The following KIFC3 variants were observed in gnomAD, a reference collection of about 807,000 sequenced individuals.
The protein encoded by KIFC3 is kinesin family member C3, also known as kinesin-like protein KIFC3.
KIFC3 carries 60 observed loss-of-function variants against 101.8 expected under a neutral mutation model. The ratio of observed to expected loss-of-function variants is 0.59; its 90% confidence interval spans 0.48 to 0.73. The LOEUF (loss-of-function observed/expected upper bound fraction) is 0.73. Among genes scored for constraint, KIFC3 ranks in the 30% least tolerant of loss-of-function variants. The pLI, the probability that KIFC3 is intolerant of heterozygous loss-of-function variation, is 0.00. For synonymous variants in KIFC3, 476 were observed against 482.7 expected, an observed-to-expected ratio of 0.99 and a Z score of 0.18; for missense variants, 966 against 1,137.1, an observed-to-expected ratio of 0.85 and a Z score of 2.16.
In KIFC3 at chr16:57,761,397, G is replaced by A; in HGVS notation, c.1872+16C>T. The stretch of plus-strand genomic sequence containing the variant: ...TAGAGCAGTGTGGCTGTGGTCAGGG[G>A]CTCCCGCCTCCACACCTTGTTGATG... On this transcript the variant is annotated intron_variant, in intron 14 of 19. Coordinates refer to ENST00000445690, the MANE Select transcript of KIFC3 (RefSeq NM_001130100.2). The A allele has an allele frequency of 6.2e-7, 1 of 1,613,826 alleles. No homozygotes were observed.
At position 57,816,856 on chromosome 16, in the gene KIFC3, G is replaced by T. The variant is rs1257836581; in HGVS notation, c.109-18574C>A. ...ACTTGAGGCCAGGGAGGTTGGAGGG[G>T]TCTCCCTGTGACCAAATCTGTGGCC... On this transcript the variant is annotated intron_variant, in intron 1 of 2. Coordinates refer to the KIFC3 transcript ENST00000563028. 4.7e-5 allele frequency: 20 copies of T among 422,134 alleles called. No homozygotes were observed. In the East Asian group the frequency reaches 1.4e-3, roughly 30 times the overall value. The allele number at this position is 422,134 out of a possible 1,614,324, so 26.1% of individuals were successfully genotyped here.
intron 3 of KIFC3, chr16:57,788,462 G>A: frequency 5.0e-6 from 5 of 1,000,036 alleles, no homozygotes; most frequent in Non-Finnish European, 6.5e-6. Context: ...GTCTGTCTAG[G>A]CCACCTCCAG....
chr16:57,852,948 T>C (rs1263007887), intron 1 of KIFC3, among the ~76,000 whole-genome samples: 1 of 127,838 alleles, frequency 7.8e-6, no homozygotes, highest in African/African-American at 2.8e-5. Flanking sequence ...GACATAGAAA[T>C]TTTTTTGTAC....
Position 57,816,325 on chromosome 16 carries a change from G to A in KIFC3, c.109-18043C>T, listed in dbSNP as rs782357812. ...GAAGTGCGGTGGGATCTGTCTTCCC[G>A]TGTGTCTTCAGGATCCTGGGGCCTG... is the stretch of plus-strand genomic sequence containing the variant. On this transcript the variant is annotated intron_variant, in intron 1 of 2. Coordinates refer to the KIFC3 transcript ENST00000563028. The A allele has an allele frequency of 4.3e-5, 50 of 1,153,636 alleles. 1 individual carries two copies. The highest frequency in any genetic ancestry group is 1.4e-4 in the South Asian group (11 of 78,278). 71.5% of individuals were successfully genotyped at this position (1,153,636 alleles called of 1,614,324 possible).
chr16:57,768,302 C>G (rs997746022), intron 9 of KIFC3, among the ~76,000 whole-genome samples: 1 of 152,016 alleles, frequency 6.6e-6, no homozygotes, highest in African/African-American at 2.4e-5. Flanking sequence ...GCTGAGATCC[C>G]GCCATTGCAC....
At chr16:57,813,355 T>C (rs1555628118) in intron 1 of KIFC3, among the ~76,000 whole-genome samples, 1 of 150,898 alleles carries the variant, frequency 6.6e-6, no homozygotes, top group East Asian at 1.9e-4. Flanking sequence ...AATACAAAAA[T>C]AAATAAATAA....
rs1555603489 is a variant in KIFC3 at position 57,766,929 on chromosome 16, G to A, written c.1275C>T (p.Tyr425=). Residue 425 remains tyrosine, a synonymous_variant, in exon 10 of 20, where the codon TAC becomes TAT. Transcript: ENST00000445690. ...NSNNQELLRK[Y]RRELQLRKKC... is the part of the protein sequence containing the mutation. ...TCTTACGCAGCTGCAGCTCGCGGCG[G>A]TACTTGCGCAGCAGCTCCTGGTTGT... 3.1e-6 allele frequency: 5 copies of A among 1,612,948 alleles called. No homozygotes were observed. Among genetic ancestry groups the A allele is most frequent in the Non-Finnish European group, 3.4e-6 (4 of 1,179,966 alleles).
chr16:57,765,770 G>A (rs1257149663), intron 10 of KIFC3, 130 bp from the exon 11 acceptor site: 4 of 755,958 alleles, frequency 5.3e-6, no homozygotes, highest in Non-Finnish European at 8.5e-6. Context: ...CCCCCTAGGG[G>A]AAGGGGGCCC....
chr16:57,767,848 T>C (rs568107616), intron 9 of KIFC3, among the ~76,000 whole-genome samples: 2 of 152,178 alleles, frequency 1.3e-5, no homozygotes, highest in Non-Finnish European at 2.9e-5. Flanking sequence ...AGTTTTTTTA[T>C]ATTTTTTTGT....
rs1242411153 is a variant in KIFC3, at chr16:57,764,127, A to G, written c.1617+16T>C. The G allele has an allele frequency of 1.8e-5, 29 of 1,591,232 alleles. No homozygotes were observed. Among genetic ancestry groups the G allele is most frequent in the Non-Finnish European group, 2.3e-5 (27 of 1,161,660 alleles). On this transcript the variant is annotated intron_variant, in intron 12 of 19. Transcript: ENST00000445690. ...ATGCTTCACTGTGAACCCCCACCCCATTGGGCAGCACCCACCTCCATCGTG... is the reference window on the plus strand; with the variant it reads ...ATGCTTCACTGTGAACCCCCACCCCGTTGGGCAGCACCCACCTCCATCGTG...
intron 3 of KIFC3, chr16:57,781,870 T>C: frequency 1.1e-6 from 1 of 944,862 alleles, no homozygotes; most frequent in Non-Finnish European, 1.3e-6. Context: ...GTGGTGGACC[T>C]AGGACCGGAA....
chr16:57,837,482 AAGAG>A (rs754022138), intron 1 of KIFC3, among the ~76,000 whole-genome samples: 216 of 150,828 alleles, frequency 1.4e-3, no homozygotes, highest in Non-Finnish European at 1.1e-3. Flanking sequence ...GAAAGAAAGA[AAGAG>A]AGAGAAAGAC....
At chr16:57,835,123 G>T (rs544244353) in intron 1 of KIFC3, among the ~76,000 whole-genome samples, 1 of 152,130 alleles carries the variant, frequency 6.6e-6, no homozygotes, top group Non-Finnish European at 1.5e-5. Flanking sequence ...TTTGTTCTAG[G>T]TACAGTCATG....
intron 9 of KIFC3, among the ~76,000 whole-genome samples, chr16:57,768,659 CTT>C (rs1245000416): frequency 6.6e-6 from 1 of 152,170 alleles, no homozygotes; most frequent in Non-Finnish European, 1.5e-5. Flanking sequence ...TGGAGTTTGA[CTT>C]TTCACCACGT....
chr16:57,792,865 CAAAAAAAAAAA>C (rs35129462), intron 3 of KIFC3, among the ~76,000 whole-genome samples: 3 of 38,424 alleles, frequency 7.8e-5, no homozygotes, highest in Non-Finnish European at 1.0e-4. Context: ...AGACCTTGCT[CAAAAAAAAAAA>C]AAAAAAAAAA....
At position 57,761,465 on chromosome 16, in the gene KIFC3, T is replaced by C. The variant is rs1555597569; in HGVS notation, c.1820A>G (p.Tyr607Cys). The change falls in exon 14 of 20, where the codon TAT (tyrosine) becomes TGT (cysteine). Residue 607 changes from tyrosine (Y) to cysteine (C), a missense_variant. Tyr to Cys is a radical substitution (Grantham distance 194). Coordinates refer to ENST00000445690, the MANE Select transcript of KIFC3 (RefSeq NM_001130100.2). ...TTGGAACTCAGTCAGCCCTGGTACA[T>C]ACAGCTGCCCACTGCCGTCTGGGCA... ...RLCPDGSGQLYVPGLTEFQVQ... is the reference protein window; with the variant it reads ...RLCPDGSGQLCVPGLTEFQVQ... 4 of 1,614,016 alleles carry C rather than the reference T, an allele frequency of 2.5e-6. No individual in the cohort carries two copies. In the South Asian group the frequency reaches 4.4e-5, roughly 18 times the overall value.
At chr16:57,795,405 C>T (rs1372075677) in intron 2 of KIFC3, among the ~76,000 whole-genome samples, 1 of 152,234 alleles carries the variant, frequency 6.6e-6, no homozygotes, top group Non-Finnish European at 1.5e-5. Flanking sequence ...CCACCGGAGG[C>T]TCCCCTATCC....
At chr16:57,786,901 C>A (rs80198061) in intron 3 of KIFC3, among the ~76,000 whole-genome samples, 3,122 of 152,220 alleles carry the variant, frequency 0.021, 124 homozygotes, top group African/African-American at 0.072. Context: ...AGCTACAGGC[C>A]CCCCCAACCC....
At chr16:57,758,997 CA>C in intron 19 of KIFC3, 88 bp from the exon 20 acceptor site, 1 of 1,533,600 alleles carries the variant, frequency 6.5e-7, no homozygotes, top group Non-Finnish European at 8.8e-7. Context: ...GGGAACCCAG[CA>C]AAAGCACATA....
Sources: allele counts gnomAD v4.1 joint callset (sites outside exome capture counted in the v4.1 genomes callset), GRCh38; gene constraint gnomAD v4.1.1; transcripts MANE v1.5; gene names NCBI Gene and HGNC (gene_info 2026-07-23, HGNC 2026-07-21).